KDM2B: variants seen among roughly 807,000 people sequenced by gnomAD.
The protein encoded by KDM2B is lysine-specific demethylase 2B.
Under a neutral mutation model 150.0 loss-of-function variants are expected in KDM2B, and 26 were observed. The observed-to-expected ratio is 0.17, with a 90% confidence interval of 0.13 to 0.24. The LOEUF (loss-of-function observed/expected upper bound fraction) is 0.24. Ranked by LOEUF, KDM2B falls within the 10% of genes least tolerant of loss-of-function variation. The pLI is 1.00. For missense variants in KDM2B, 1,265 were observed against 1,816.9 expected (o/e 0.70, Z 5.52); for synonymous variants, 734 against 729.5 (o/e 1.01, Z -0.10).
intron 11 of KDM2B, among the ~76,000 whole-genome samples, chr12:121,505,489 A>C (rs1272951059): frequency 6.6e-6 from 1 of 152,154 alleles, no homozygotes; most frequent in African/African-American, 2.4e-5. Context: ...AAAAGCTGTG[A>C]TCATGCCACT....
At chr12:121,506,673 C>T (rs995868823) in intron 11 of KDM2B, among the ~76,000 whole-genome samples, 3 of 151,974 alleles carry the variant, frequency 2.0e-5, no homozygotes, top group Non-Finnish European at 2.9e-5. Context: ...CGCGGTGGCT[C>T]ACACCTGTAA....
At chr12:121,563,487 A>AC (rs1205998840) in intron 4 of KDM2B, among the ~76,000 whole-genome samples, 1 of 151,550 alleles carries the variant, frequency 6.6e-6, no homozygotes, top group Non-Finnish European at 1.5e-5. Flanking sequence ...GCTGCCCGTA[A>AC]TCCTGGCTAC....
chr12:121,440,803 C>A lies in KDM2B; in HGVS notation c.3610+13G>T. 1.3e-6 allele frequency: 2 copies of A among 1,597,172 alleles called. No individual in the cohort carries two copies. The highest frequency in any genetic ancestry group is 2.3e-5 in the South Asian group (2 of 88,754). On this transcript the variant is annotated intron_variant, in intron 21 of 22. Transcript: ENST00000377071. ...ACCCCACCCCCACAGAAACCCCCAG[C>A]CTGGCAACTCACCTGGCCTGTTGTC...
At chr12:121,558,141 C>T (rs140581984) in intron 4 of KDM2B, among the ~76,000 whole-genome samples, 111 of 152,334 alleles carry the variant, frequency 7.3e-4, no homozygotes, top group African/African-American at 2.4e-3. Flanking sequence ...CTGTCTTGAT[C>T]GCTACTCTAG....
intron 11 of KDM2B, among the ~76,000 whole-genome samples, chr12:121,503,709 G>T (rs1884804621): frequency 6.6e-6 from 1 of 152,214 alleles, no homozygotes; most frequent in Admixed American, 6.5e-5. Flanking sequence ...TGGGTAGCTG[G>T]CCAAAGCCAG....
At chr12:121,570,749 TAA>T (rs1555315773) in intron 4 of KDM2B, among the ~76,000 whole-genome samples, 1 of 152,156 alleles carries the variant, frequency 6.6e-6, no homozygotes, top group African/African-American at 2.4e-5. Context: ...GCTGCTTTGG[TAA>T]ACAGTCTGGC....
At chr12:121,501,995 A>G (rs1884610742) in intron 11 of KDM2B, among the ~76,000 whole-genome samples, 1 of 152,146 alleles carries the variant, frequency 6.6e-6, no homozygotes, top group Non-Finnish European at 1.5e-5. Context: ...ACATGTCAGT[A>G]AGACCCAGAA....
chr12:121,470,132 G>T (rs916595491), intron 12 of KDM2B: 2 of 150,932 alleles, frequency 1.3e-5, no homozygotes, highest in African/African-American at 2.4e-5. Flanking sequence ...AGAGATGTCT[G>T]TAAGCAGGAA....
chr12:121,477,466 C>T (rs549521502), intron 12 of KDM2B, among the ~76,000 whole-genome samples: 1 of 152,214 alleles, frequency 6.6e-6, no homozygotes, highest in South Asian at 2.1e-4. Flanking sequence ...CCACTACACC[C>T]TCCAACTCCT....
In KDM2B at chr12:121,463,806, C is replaced by T. The variant is rs1282347992; in HGVS notation, c.1735-10462G>A. On this transcript the variant is annotated intron_variant, in intron 12 of 22. Transcript: ENST00000377071. The stretch of plus-strand genomic sequence containing the variant: ...GTTGCCCAGGCTGGTCCCAAACACC[C>T]GAGCTCAAGCCATCCACCTGCCTCA... Among the ~76,000 whole-genome samples, 6 of 152,214 alleles carry T rather than the reference C, an allele frequency of 3.9e-5. No individual in the cohort carries two copies. In the East Asian group the frequency reaches 5.8e-4, roughly 15 times the overall value.
rs115564584 is a variant in KDM2B at position 121,506,248 on chromosome 12, C to T, written c.1647+3319G>A. On this transcript the variant is annotated intron_variant, in intron 11 of 22. Transcript: ENST00000377071. ...TCTCAAACTCCTGGGCTCGTGTGAT[C>T]GGCCTTCCAAAATGTTAGGATTACA... Among the ~76,000 whole-genome samples the T allele has an allele frequency of 9.4e-3, 1,426 of 152,154 alleles. 26 individuals carry two copies. Among genetic ancestry groups the T allele is most frequent in the African/African-American group, 0.032 (1,338 of 41,520 alleles).
intron 9 of KDM2B, among the ~76,000 whole-genome samples, chr12:121,516,031 A>G (rs559916804): frequency 4.6e-5 from 7 of 152,232 alleles, no homozygotes; most frequent in Middle Eastern, 3.4e-3. Flanking sequence ...GCAAACCTTG[A>G]TTTCCTATGA....
At position 121,429,979 on chromosome 12, in the gene KDM2B, G is replaced by A; in HGVS notation, c.*309C>T. On this transcript the variant is annotated 3_prime_UTR_variant, in exon 23 of 23. Coordinates refer to ENST00000377071, the MANE Select transcript of KDM2B (RefSeq NM_032590.5). Reference sequence around the variant, plus strand: ...CACTACCACTAACAGAAACTCCTAAGCTCATGCTTCAGTATGAGAATTTCT... The same window carrying A: ...CACTACCACTAACAGAAACTCCTAAACTCATGCTTCAGTATGAGAATTTCT... 1 of 791,516 alleles carries A rather than the reference G, an allele frequency of 1.3e-6. No individual in the cohort carries two copies. Among genetic ancestry groups the A allele is most frequent in the Non-Finnish European group, 2.2e-6 (1 of 453,910 alleles). The allele number at this position is 791,516 out of a possible 1,614,324, so 49.0% of individuals were successfully genotyped here. A position where few individuals can be genotyped will look rare whatever the true frequency, so the allele number is the denominator to read the frequency against.
Position 121,492,528 on chromosome 12 carries a change from G to A in KDM2B, c.1734+2051C>T, listed in dbSNP as rs925518721. 7.9e-5 allele frequency among the ~76,000 whole-genome samples: 12 copies of A among 151,548 alleles called. 1 individual carries two copies. Among genetic ancestry groups the A allele is most frequent in the South Asian group, 4.2e-4 (2 of 4,810 alleles). ...TCGCCATGTTGGCCAGGCTAGTCTC[G>A]AACTCCTGACCTCAAGTGATCTGCC... On this transcript the variant is annotated intron_variant, in intron 12 of 22. Transcript: ENST00000377071.
chr12:121,481,125 T>G (rs150297481), intron 12 of KDM2B, among the ~76,000 whole-genome samples: 2,098 of 152,126 alleles, frequency 0.014, 53 homozygotes, highest in East Asian at 0.13. Flanking sequence ...GAGACAGGGT[T>G]TCACCATGTT....
intron 2 of KDM2B, among the ~76,000 whole-genome samples, chr12:121,576,147 T>C (rs781960511): frequency 1.9e-4 from 29 of 151,758 alleles, no homozygotes; most frequent in Non-Finnish European, 3.5e-4. Flanking sequence ...CCAGCGAGGG[T>C]TGGGGAGGAA....
chr12:121,524,884 T>C, intron 8 of KDM2B: 1 of 249,528 alleles, frequency 4.0e-6, no homozygotes, highest in South Asian at 3.6e-5. Context: ...AAGCAGCACA[T>C]TCTCTGGGAC....
chr12:121,566,213 AGGCGTGGT>A (rs1338904048), intron 4 of KDM2B, among the ~76,000 whole-genome samples: 1 of 152,076 alleles, frequency 6.6e-6, no homozygotes, highest in Non-Finnish European at 1.5e-5. Context: ...CTTCTAGGCC[AGGCGTGGT>A]GGCTCACACC....
intron 14 of KDM2B, chr12:121,445,034 CCT>C: frequency 1.9e-6 from 1 of 521,586 alleles, no homozygotes; most frequent in Non-Finnish European, 3.4e-6. Flanking sequence ...CTCTGGAAAC[CCT>C]CTCTGGTTCT....
Sources: allele counts gnomAD v4.1 joint callset (sites outside exome capture counted in the v4.1 genomes callset), GRCh38; gene constraint gnomAD v4.1.1; transcripts MANE v1.5; gene names NCBI Gene and HGNC (gene_info 2026-07-23, HGNC 2026-07-21).